Variants in ANKFN1 observed in about 807,000 individuals in gnomAD.
ANKFN1 encodes the protein ankyrin repeat and fibronectin type III domain containing 1.
A neutral mutation model predicts 108.7 loss-of-function variants in ANKFN1; 74 were observed. That is an observed-to-expected ratio of 0.68 (90% CI 0.56 to 0.83). ANKFN1 has a LOEUF of 0.83. Among genes scored for constraint, ANKFN1 ranks in the 40% least tolerant of loss-of-function variants. The pLI, the probability that ANKFN1 is intolerant of heterozygous loss-of-function variation, is 0.00. For missense variants in ANKFN1, 1,505 were observed against 1,382.3 expected, an observed-to-expected ratio of 1.09 and a Z score of -1.41; for synonymous variants, 547 against 516.2, an observed-to-expected ratio of 1.06 and a Z score of -0.81.
chr17:56,434,748 A>G (rs1598604663), intron 8 of ANKFN1, among the ~76,000 whole-genome samples: 2 of 151,108 alleles, frequency 1.3e-5, no homozygotes, highest in African/African-American at 4.8e-5. Context: ...AAATGACTGT[A>G]TTTGATCTCG....
At chr17:56,140,185 T>C (rs919321086) in intron 4 of ANKFN1, among the ~76,000 whole-genome samples, 1 of 152,238 alleles carries the variant, frequency 6.6e-6, no homozygotes, top group Non-Finnish European at 1.5e-5. Flanking sequence ...CACTGCTGTT[T>C]CCTAGGTCAA....
At chr17:56,374,076 A>G (rs2046882293) in intron 7 of ANKFN1, among the ~76,000 whole-genome samples, 1 of 152,172 alleles carries the variant, frequency 6.6e-6, no homozygotes, top group Non-Finnish European at 1.5e-5. Flanking sequence ...AAAGAGCCCA[A>G]AAGTAGGCAA....
At chr17:56,063,761 T>C (rs1475397204) in intron 4 of ANKFN1, among the ~76,000 whole-genome samples, 1 of 152,126 alleles carries the variant, frequency 6.6e-6, no homozygotes, top group Non-Finnish European at 1.5e-5. Flanking sequence ...AATTCATCCA[T>C]CTCATTCTCC....
chr17:56,284,848 T>C (rs982966107), intron 3 of ANKFN1, among the ~76,000 whole-genome samples: 1 of 152,126 alleles, frequency 6.6e-6, no homozygotes, highest in Non-Finnish European at 1.5e-5. Flanking sequence ...AGAGGCTTCA[T>C]TAGTTCATTG....
chr17:56,465,641 A>G (rs1422017216), intron 14 of ANKFN1, among the ~76,000 whole-genome samples: 1 of 152,206 alleles, frequency 6.6e-6, no homozygotes, highest in African/African-American at 2.4e-5. Context: ...CAAACCCTGC[A>G]TATTTGTAAA....
intron 4 of ANKFN1, among the ~76,000 whole-genome samples, chr17:56,326,868 G>T (rs1037834124): frequency 1.3e-5 from 2 of 152,056 alleles, no homozygotes; most frequent in East Asian, 3.9e-4. Flanking sequence ...GTTCATCCTG[G>T]GTGAGTGTGC....
chr17:56,092,617 A>G (rs575827451), intron 4 of ANKFN1, among the ~76,000 whole-genome samples: 2 of 151,220 alleles, frequency 1.3e-5, no homozygotes, highest in East Asian at 3.9e-4. Context: ...CTGTGAATTT[A>G]GCAGCTTAAA....
chr17:56,459,111 T>G lies in ANKFN1; in HGVS notation c.1557+1132T>G, dbSNP rs1438084743. On this transcript the variant is annotated intron_variant, in intron 14 of 20. Coordinates refer to ENST00000682825, the MANE Select transcript of ANKFN1 (RefSeq NM_001370326.1). Reference sequence around the variant, plus strand: ...CATTTCAACTCACTCGGGTTTTTTTTGGGTTGGTGGTGGTGGTGGAATGGA... The same window carrying G: ...CATTTCAACTCACTCGGGTTTTTTTGGGGTTGGTGGTGGTGGTGGAATGGA... Among the ~76,000 whole-genome samples the G allele has an allele frequency of 3.3e-5, 5 of 152,264 alleles. No homozygotes were observed. In the South Asian group the frequency reaches 6.2e-4, roughly 19 times the overall value.
At chr17:56,351,499 A>T (rs1567936162) in intron 5 of ANKFN1, among the ~76,000 whole-genome samples, 2 of 152,138 alleles carry the variant, frequency 1.3e-5, no homozygotes, top group Non-Finnish European at 2.9e-5. Context: ...ATAAAAATAG[A>T]TATATCAAAA....
intron 4 of ANKFN1, among the ~76,000 whole-genome samples, chr17:56,344,879 C>T (rs890402722): frequency 6.6e-5 from 10 of 151,688 alleles, no homozygotes; most frequent in East Asian, 1.9e-4. Flanking sequence ...TGTTTGTTTG[C>T]GTGTTTTTTA....
intron 8 of ANKFN1, among the ~76,000 whole-genome samples, chr17:56,427,103 G>C (rs114352082): frequency 6.6e-6 from 1 of 152,174 alleles, no homozygotes; most frequent in Non-Finnish European, 1.5e-5. Flanking sequence ...AGAAGGTCTG[G>C]TTTTTTCTTT....
At chr17:56,236,247 C>T (rs943781417) in intron 3 of ANKFN1, among the ~76,000 whole-genome samples, 21 of 151,798 alleles carry the variant, frequency 1.4e-4, no homozygotes, top group African/African-American at 4.4e-4. Flanking sequence ...TTAGTAGAGA[C>T]GTGGTTTCAC....
rs2049377705 is a variant in ANKFN1 at position 56,448,688 on chromosome 17, C to A, written c.1100-391C>A. On this transcript the variant is annotated intron_variant, in intron 10 of 20. Coordinates refer to ENST00000682825, the MANE Select transcript of ANKFN1 (RefSeq NM_001370326.1). ...TCTGCACATTCCCACCCCTTTCTTT[C>A]CTACTGTGAAAATCCAGTTGAGACT... is the stretch of plus-strand genomic sequence containing the variant. Among the ~76,000 whole-genome samples, 3 of 152,158 alleles carry A rather than the reference C, an allele frequency of 2.0e-5. No individual in the cohort carries two copies. In the South Asian group the frequency reaches 6.2e-4, roughly 32 times the overall value.
intron 6 of ANKFN1, among the ~76,000 whole-genome samples, chr17:56,364,278 G>A (rs978517653): frequency 6.6e-6 from 1 of 151,998 alleles, no homozygotes; most frequent in Non-Finnish European, 1.5e-5. Flanking sequence ...AGTGTTCTAA[G>A]TGTAAAATTA....
intron 2 of ANKFN1, among the ~76,000 whole-genome samples, chr17:56,219,250 TTTA>T (rs1320294181): frequency 8.2e-6 from 1 of 122,036 alleles, no homozygotes; most frequent in Non-Finnish European, 1.6e-5. Context: ...TTTTTGTTTG[TTTA>T]TTTTTTTTTT....
intron 19 of ANKFN1, 71 bp downstream of exon 19, chr17:56,492,424 A>C: frequency 1.5e-6 from 1 of 677,830 alleles, no homozygotes; most frequent in South Asian, 1.5e-5. Flanking sequence ...AAAGCCAAGC[A>C]TGGGAAAGGA....
chr17:56,093,429 G>A (rs1905457621), intron 4 of ANKFN1, among the ~76,000 whole-genome samples: 1 of 151,000 alleles, frequency 6.6e-6, no homozygotes, highest in Non-Finnish European at 1.5e-5. Context: ...CTGGCATATA[G>A]GGAAGATTTT....
At chr17:56,441,879 T>C (rs1416471924) in intron 9 of ANKFN1, among the ~76,000 whole-genome samples, 1 of 151,956 alleles carries the variant, frequency 6.6e-6, no homozygotes, top group African/African-American at 2.4e-5. Context: ...TTATGATCCC[T>C]AGAAAAGTCT....
chr17:56,238,997 A>G (rs1158634444), intron 3 of ANKFN1, among the ~76,000 whole-genome samples: 3 of 152,124 alleles, frequency 2.0e-5, no homozygotes, highest in Non-Finnish European at 4.4e-5. Flanking sequence ...CCAAGATCAG[A>G]GACAATCTCC....
Sources: allele counts gnomAD v4.1 joint callset (sites outside exome capture counted in the v4.1 genomes callset), GRCh38; gene constraint gnomAD v4.1.1; transcripts MANE v1.5; gene names NCBI Gene and HGNC (gene_info 2026-07-23, HGNC 2026-07-21).